ITPRID2: variants seen among roughly 807,000 people sequenced by gnomAD.
The protein encoded by ITPRID2 is ITPR interacting domain containing 2.
A neutral mutation model predicts 124.3 loss-of-function variants in ITPRID2; 60 were observed. That is an observed-to-expected ratio of 0.48 (90% CI 0.39 to 0.60). The LOEUF (loss-of-function observed/expected upper bound fraction) is 0.60. Among genes scored for constraint, ITPRID2 ranks in the 20% least tolerant of loss-of-function variants. The probability of loss-of-function intolerance (pLI) is 0.00; values close to 1 mark genes in which losing one functional copy is unlikely to be tolerated. For missense variants in ITPRID2, 1,553 were observed against 1,512.2 expected (o/e 1.03, Z -0.45); for synonymous variants, 521 against 542.9 (o/e 0.96, Z 0.56).
rs1237192536 is a variant in ITPRID2, at chr2:181,916,670, G to C, written c.2787+243G>C. On this transcript the variant is annotated intron_variant, in intron 11 of 17. Coordinates refer to ENST00000431877, the MANE Select transcript of ITPRID2 (RefSeq NM_001130445.3). ...CAAGTCTGTCTCCTTTCCAAGAGGAGAGATTTTTCTCGTTAAGTATCCTCC... is the reference window on the plus strand; with the variant it reads ...CAAGTCTGTCTCCTTTCCAAGAGGACAGATTTTTCTCGTTAAGTATCCTCC... 4.2e-6 allele frequency: 3 copies of C among 712,518 alleles called. No individual in the cohort carries two copies. In the African/African-American group the frequency reaches 5.3e-5, roughly 13 times the overall value. 44.1% of individuals were successfully genotyped at this position (712,518 alleles called of 1,614,324 possible). A position where few individuals can be genotyped will look rare whatever the true frequency, so the allele number is the denominator to read the frequency against.
In ITPRID2 at chr2:181,896,187, G is replaced by A. The variant is rs924759849; in HGVS notation, c.307+108G>A. The A allele has an allele frequency of 5.0e-6, 5 of 1,001,434 alleles. No individual in the cohort carries two copies. The Admixed American group carries it at 6.3e-5, about 13-fold the overall frequency. 62.0% of individuals were successfully genotyped at this position (1,001,434 alleles called of 1,614,324 possible). On this transcript the variant is annotated intron_variant, in intron 3 of 17. Transcript: ENST00000431877. The surrounding 1 kb of genome is among the most constrained non-coding windows in gnomAD (Gnocchi z 4.3). Reference sequence around the variant, plus strand: ...TATAAAAGTGATATTCATGTTTATAGTATATGCTATTCTGAGCTAGAAGCA... The same window carrying A: ...TATAAAAGTGATATTCATGTTTATAATATATGCTATTCTGAGCTAGAAGCA...
chr2:181,907,913 A>T lies in ITPRID2; in HGVS notation c.1414-1986A>T, dbSNP rs973654219. ...GCTTTTTGAAGTGCTCCTTTCTTGC[A>T]CTTAATTATGGAGTTTGTAGTAAAA... On this transcript the variant is annotated intron_variant, in intron 8 of 17. Coordinates refer to ENST00000431877, the MANE Select transcript of ITPRID2 (RefSeq NM_001130445.3). This position sits in a 1 kb window ranked among gnomAD's most constrained non-coding sequence, Gnocchi z 5.1. Among the ~76,000 whole-genome samples, 1 of 152,200 alleles carries T rather than the reference A, an allele frequency of 6.6e-6. No homozygotes were observed. Among genetic ancestry groups the T allele is most frequent in the Non-Finnish European group, 1.5e-5 (1 of 68,038 alleles).
rs763488642 is a variant in ITPRID2 at position 181,896,067 on chromosome 2, A to G, written c.295A>G (p.Ser99Gly). Reference protein sequence around the residue: ...LGASLDEQSSSTLKGVLVRNG... With the variant: ...LGASLDEQSSGTLKGVLVRNG... ...AGCCTCACTGGATGAACAAAGCAGT[A>G]GTACACTCAAGGGTAAGAGAAGGTT... The change falls in exon 3 of 18, where the codon AGT becomes GGT. Residue 99 changes from serine to glycine, a missense_variant. Ser to Gly is a moderately conservative substitution (Grantham distance 56). Transcript: ENST00000431877. The surrounding 1 kb of genome is among the most constrained non-coding windows in gnomAD (Gnocchi z 4.3). 5 of 1,612,882 alleles carry G rather than the reference A, an allele frequency of 3.1e-6. No homozygotes were observed. Among genetic ancestry groups the G allele is most frequent in the South Asian group, 2.2e-5 (2 of 91,038 alleles).
At chr2:181,924,972 G>A (rs891949536) in intron 16 of ITPRID2, among the ~76,000 whole-genome samples, 2 of 152,210 alleles carry the variant, frequency 1.3e-5, no homozygotes, top group Non-Finnish European at 2.9e-5. Context: ...TTAATAGGAT[G>A]AATGAATACA....
chr2:181,897,108 T>C lies in ITPRID2; in HGVS notation c.364+144T>C, dbSNP rs1431571976. On this transcript the variant is annotated intron_variant, in intron 4 of 17. Coordinates refer to ENST00000431877, the MANE Select transcript of ITPRID2 (RefSeq NM_001130445.3). ...TCAGGCATATTTTACATTACCTTTC[T>C]TTGTTAATAATCTAGTCATAGTCTG... 42 of 707,904 alleles carry C rather than the reference T, an allele frequency of 5.9e-5. 1 individual carries two copies. The highest frequency in any genetic ancestry group is 4.7e-4 in the South Asian group (27 of 57,678). The allele number at this position is 707,904 out of a possible 1,614,324, so 43.9% of individuals were successfully genotyped here.
At chr2:181,918,532 C>T (rs1161146545) in intron 11 of ITPRID2, 66 bp from the exon 12 acceptor site, 5 of 1,594,482 alleles carry the variant, frequency 3.1e-6, no homozygotes, top group South Asian at 1.2e-5. Context: ...TGCCTTTTAA[C>T]CCCTTAAGTG....
rs1248043522 is a variant in ITPRID2, at chr2:181,892,306, G to T, written c.211+29G>T. 1 of 1,528,248 alleles carries T rather than the reference G, an allele frequency of 6.5e-7. No individual in the cohort carries two copies. The highest frequency in any genetic ancestry group is 1.4e-5 in the African/African-American group (1 of 72,786). The allele number at this position is 1,528,248 out of a possible 1,614,324, so 94.7% of individuals were successfully genotyped here. On this transcript the variant is annotated intron_variant, in intron 1 of 17. Coordinates refer to ENST00000431877, the MANE Select transcript of ITPRID2 (RefSeq NM_001130445.3). This position sits in a 1 kb window ranked among gnomAD's most constrained non-coding sequence, Gnocchi z 5.2. ...GGTGCTCCCGGCCGGGCTCCGGGGGGAGGCTGGTGGGCTGGGGAGAGTCTC... is the reference window on the plus strand; with the variant it reads ...GGTGCTCCCGGCCGGGCTCCGGGGGTAGGCTGGTGGGCTGGGGAGAGTCTC...
intron 13 of ITPRID2, 105 bp downstream of exon 13, chr2:181,918,987 T>C (rs1694284082): frequency 1.4e-6 from 2 of 1,415,878 alleles, no homozygotes; most frequent in African/African-American, 2.9e-5. Flanking sequence ...CTGTGTACCT[T>C]GTATCTGTTT....
chr2:181,905,710 G>A lies in ITPRID2; in HGVS notation c.1413+3244G>A, dbSNP rs908037526. On this transcript the variant is annotated intron_variant, in intron 8 of 17. Coordinates refer to ENST00000431877, the MANE Select transcript of ITPRID2 (RefSeq NM_001130445.3). This position sits in a 1 kb window ranked among gnomAD's most constrained non-coding sequence, Gnocchi z 4.1. ...TTAAGCTACTGATGTGTTAGTAACT[G>A]TTTCTAATCCTGTCTTCATACTAAT... is the stretch of plus-strand genomic sequence containing the variant. 3.3e-5 allele frequency among the ~76,000 whole-genome samples: 5 copies of A among 152,150 alleles called. No individual in the cohort carries two copies. Among genetic ancestry groups the A allele is most frequent in the Admixed American group, 1.3e-4 (2 of 15,270 alleles).
chr2:181,903,536 T>C (rs779187086), intron 8 of ITPRID2, among the ~76,000 whole-genome samples: 1 of 152,068 alleles, frequency 6.6e-6, no homozygotes, highest in Non-Finnish European at 1.5e-5. Flanking sequence ...TCCCTCAGAT[T>C]AGTGAAGATT....
At chr2:181,903,934 A>T (rs1047538012) in intron 8 of ITPRID2, among the ~76,000 whole-genome samples, 1 of 152,152 alleles carries the variant, frequency 6.6e-6, no homozygotes, top group Non-Finnish European at 1.5e-5. Flanking sequence ...ATGGCAGTTA[A>T]TTTCCTTGTT....
chr2:181,907,417 C>T lies in ITPRID2; in HGVS notation c.1414-2482C>T, dbSNP rs980948890. On this transcript the variant is annotated intron_variant, in intron 8 of 17. Transcript: ENST00000431877. The surrounding 1 kb of genome is among the most constrained non-coding windows in gnomAD (Gnocchi z 5.1). ...ATCTTTGAATCCCAAAACATTGAGA[C>T]CATGCAATTTTATCACTTTGGTTTA... Among the ~76,000 whole-genome samples, 1 of 149,228 alleles carries T rather than the reference C, an allele frequency of 6.7e-6. No homozygotes were observed. Among genetic ancestry groups the T allele is most frequent in the South Asian group, 2.1e-4 (1 of 4,740 alleles).
At chr2:181,913,805 AGAT>A in intron 9 of ITPRID2, 37 bp from the exon 10 acceptor site, 1 of 1,449,384 alleles carries the variant, frequency 6.9e-7, no homozygotes, top group Middle Eastern at 2.0e-4. Context: ...TTTTATTTAT[AGAT>A]CATCTGTTTC....
Position 181,922,424 on chromosome 2 carries a change from C to A in ITPRID2, c.3675+12C>A. ...AAGTCATACGGGAGGTGGGTAAAAT[C>A]TGTGTTTCATTCATTTATTTGGAGG... On this transcript the variant is annotated intron_variant, in intron 16 of 17. Coordinates refer to ENST00000431877, the MANE Select transcript of ITPRID2 (RefSeq NM_001130445.3). The A allele has an allele frequency of 6.3e-7, 1 of 1,586,074 alleles. No individual in the cohort carries two copies. Among genetic ancestry groups the A allele is most frequent in the South Asian group, 1.1e-5 (1 of 87,176 alleles).
At position 181,929,561 on chromosome 2, in the gene ITPRID2, G is replaced by A; in HGVS notation, c.*14G>A. ...ACTGACTTCTCTTTTCTTTTTTAAG[G>A]TTGGCATGGATCCTATTAGCTGTGT... is the stretch of plus-strand genomic sequence containing the variant. On this transcript the variant is annotated splice_region_variant and 3_prime_UTR_variant, in exon 18 of 18. Coordinates refer to ENST00000431877, the MANE Select transcript of ITPRID2 (RefSeq NM_001130445.3). 1.2e-6 allele frequency: 2 copies of A among 1,607,294 alleles called. No individual in the cohort carries two copies. The highest frequency in any genetic ancestry group is 1.7e-6 in the Non-Finnish European group (2 of 1,175,678).
chr2:181,918,305 G>C, intron 11 of ITPRID2: 3 of 1,147,360 alleles, frequency 2.6e-6, no homozygotes, highest in Non-Finnish European at 3.2e-6. Flanking sequence ...TTTGCGTTTT[G>C]ATTTTGTTTT....
At chr2:181,921,697 T>C (rs1275332937) in intron 15 of ITPRID2, among the ~76,000 whole-genome samples, 1 of 152,206 alleles carries the variant, frequency 6.6e-6, no homozygotes, top group African/African-American at 2.4e-5. Flanking sequence ...TTGGACACTT[T>C]GGTGGTAACA....
intron 11 of ITPRID2, chr2:181,916,851 G>C: frequency 3.0e-6 from 3 of 1,001,648 alleles, no homozygotes; most frequent in Non-Finnish European, 3.6e-6. Context: ...TCTCCCTGTT[G>C]GCTTCTGTGG....
intron 16 of ITPRID2, among the ~76,000 whole-genome samples, chr2:181,923,579 T>A (rs1694640765): frequency 6.6e-6 from 1 of 152,214 alleles, no homozygotes; most frequent in African/African-American, 2.4e-5. Flanking sequence ...AATCCATTCC[T>A]GTTTACATGT....
Sources: gnomAD v4.1 joint callset for allele counts (sites outside exome capture counted in the v4.1 genomes callset) on GRCh38, gnomAD v4.1.1 for gene constraint, Gnocchi (gnomAD v3.1) non-coding constraint, MANE v1.5 for transcripts, NCBI Gene and HGNC (gene_info 2026-07-23, HGNC 2026-07-21) for gene names.